Variants in LRRTM4 observed in about 807,000 individuals in gnomAD.
LRRTM4 encodes the protein leucine rich repeat transmembrane neuronal 4.
In LRRTM4, 25 loss-of-function variants were observed where a neutral mutation model predicts 47.6. The observed-to-expected ratio is 0.53, with a 90% CI of 0.38 to 0.73. The LOEUF (loss-of-function observed/expected upper bound fraction) is 0.73, where lower values mean the gene tolerates loss of function less well. Among genes scored for constraint, LRRTM4 ranks in the 30% least tolerant of loss-of-function variants. The pLI, the probability that LRRTM4 is intolerant of heterozygous loss-of-function variation, is 0.00. For missense variants in LRRTM4, 638 were observed against 713.4 expected, an observed-to-expected ratio of 0.89 and a Z score of 1.20; for synonymous variants, 311 against 269.5, an observed-to-expected ratio of 1.15 and a Z score of -1.51.
At chr2:77,196,100 A>ATGGTATATT (rs1328378370) in intron 3 of LRRTM4, among the ~76,000 whole-genome samples, 1 of 152,176 alleles carries the variant, frequency 6.6e-6, no homozygotes, top group Non-Finnish European at 1.5e-5. Flanking sequence ...ATTAGAAATA[A>ATGGTATATT]TGGTATATTT....
intron 3 of LRRTM4, among the ~76,000 whole-genome samples, chr2:77,323,339 C>T (rs1670618988): frequency 6.6e-6 from 1 of 152,126 alleles, no homozygotes; most frequent in Non-Finnish European, 1.5e-5. Context: ...GTAATGGGAT[C>T]TAGCCTTTGC....
intron 3 of LRRTM4, among the ~76,000 whole-genome samples, chr2:76,783,679 C>G (rs1226512609): frequency 6.6e-6 from 1 of 152,136 alleles, no homozygotes; most frequent in Non-Finnish European, 1.5e-5. Flanking sequence ...CCGGGTAAAA[C>G]TCAGGTTACT....
intron 3 of LRRTM4, among the ~76,000 whole-genome samples, chr2:76,940,943 A>ATT (rs988278654): frequency 6.6e-6 from 1 of 152,134 alleles, no homozygotes; most frequent in African/African-American, 2.4e-5. Context: ...TTCAGTACCT[A>ATT]TTGACTTCTT....
chr2:77,312,103 G>A (rs1432656041), intron 3 of LRRTM4, among the ~76,000 whole-genome samples: 1 of 152,046 alleles, frequency 6.6e-6, no homozygotes, highest in African/African-American at 2.4e-5. Context: ...AACATGTGGT[G>A]TTTCTTTTGT....
intron 3 of LRRTM4, among the ~76,000 whole-genome samples, chr2:76,996,459 G>A (rs951956204): frequency 1.3e-5 from 2 of 151,992 alleles, no homozygotes; most frequent in Admixed American, 1.3e-4. Context: ...ATAAAATTAA[G>A]CGAGGTTACT....
chr2:76,761,733 C>T (rs952352842), intron 3 of LRRTM4, among the ~76,000 whole-genome samples: 1 of 152,062 alleles, frequency 6.6e-6, no homozygotes, highest in Non-Finnish European at 1.5e-5. Flanking sequence ...ATTCAAACCT[C>T]CCAATTATTT....
intron 3 of LRRTM4, among the ~76,000 whole-genome samples, chr2:76,898,766 T>C (rs12328309): frequency 2.0e-3 from 304 of 151,290 alleles, no homozygotes; most frequent in African/African-American, 7.0e-3. Context: ...GTATAGAAGA[T>C]ATATAAAATA....
intron 3 of LRRTM4, among the ~76,000 whole-genome samples, chr2:77,395,780 C>CCAAA (rs1673677472): frequency 6.6e-6 from 1 of 151,922 alleles, no homozygotes; most frequent in African/African-American, 2.4e-5. Context: ...GTCCACTGGA[C>CCAAA]CAAAGCCTTG....
chr2:77,316,712 T>G (rs1292028624), intron 3 of LRRTM4, among the ~76,000 whole-genome samples: 1 of 152,026 alleles, frequency 6.6e-6, no homozygotes, highest in South Asian at 2.1e-4. Flanking sequence ...CACACCTACA[T>G]TTTTTGGATA....
At chr2:76,887,808 G>C (rs1049569454) in intron 3 of LRRTM4, among the ~76,000 whole-genome samples, 2 of 150,658 alleles carry the variant, frequency 1.3e-5, no homozygotes, top group African/African-American at 4.9e-5. Flanking sequence ...ACTAGCCAAT[G>C]GAATTTGACC....
chr2:76,858,023 A>T (rs1177506256), intron 3 of LRRTM4, among the ~76,000 whole-genome samples: 2 of 152,140 alleles, frequency 1.3e-5, no homozygotes, highest in African/African-American at 2.4e-5. Context: ...ATTTTTATAT[A>T]ACAATTGAAA....
At chr2:76,938,380 AAAG>A (rs1380402585) in intron 3 of LRRTM4, among the ~76,000 whole-genome samples, 2 of 148,718 alleles carry the variant, frequency 1.3e-5, no homozygotes, top group East Asian at 5.0e-4. Flanking sequence ...TTTGAAGACA[AAAG>A]AATATAAATT....
intron 3 of LRRTM4, among the ~76,000 whole-genome samples, chr2:76,756,355 T>C (rs1240370040): frequency 6.6e-6 from 1 of 152,140 alleles, no homozygotes; most frequent in Admixed American, 6.6e-5. Flanking sequence ...TATTGATTCA[T>C]GAGTTTGCCT....
chr2:77,392,352 T>A (rs1350087963), intron 3 of LRRTM4, among the ~76,000 whole-genome samples: 1 of 151,412 alleles, frequency 6.6e-6, no homozygotes, highest in Non-Finnish European at 1.5e-5. Flanking sequence ...CCCAACCGCC[T>A]TGGGCACATG....
chr2:77,023,138 T>G (rs28896632), intron 3 of LRRTM4, among the ~76,000 whole-genome samples: 13,357 of 152,308 alleles, frequency 0.088, 1,365 homozygotes, highest in African/African-American at 0.24. Context: ...CTGCCAGGGC[T>G]TGGGGTTTGC....
At chr2:76,845,270 C>T (rs1037164394) in intron 3 of LRRTM4, among the ~76,000 whole-genome samples, 6 of 152,092 alleles carry the variant, frequency 3.9e-5, no homozygotes, top group African/African-American at 1.4e-4. Flanking sequence ...GTAGGAGGAT[C>T]ACTTGAGCCC....
intron 3 of LRRTM4, among the ~76,000 whole-genome samples, chr2:77,416,845 AT>A (rs1400021786): frequency 6.6e-6 from 1 of 152,070 alleles, no homozygotes; most frequent in Admixed American, 6.6e-5. Context: ...GTAATATTTT[AT>A]TTTTTTAGGT....
At chr2:77,291,373 T>A (rs1363726306) in intron 3 of LRRTM4, among the ~76,000 whole-genome samples, 1 of 152,134 alleles carries the variant, frequency 6.6e-6, no homozygotes, top group East Asian at 1.9e-4. Flanking sequence ...AGTATTAATT[T>A]AAACTACTTA....
chr2:76,998,181 C>T (rs1452808729), intron 3 of LRRTM4, among the ~76,000 whole-genome samples: 1 of 152,092 alleles, frequency 6.6e-6, no homozygotes, highest in Non-Finnish European at 1.5e-5. Context: ...TCCATGAAAC[C>T]AGTCCCTGGT....
Sources: allele counts gnomAD v4.1 joint callset (sites outside exome capture counted in the v4.1 genomes callset), GRCh38; gene constraint gnomAD v4.1.1; transcripts MANE v1.5; gene names NCBI Gene and HGNC (gene_info 2026-07-23, HGNC 2026-07-21).